Variants in PDE7B observed in about 807,000 individuals in gnomAD.
PDE7B encodes the protein 3',5'-cyclic-AMP phosphodiesterase 7B.
PDE7B carries 29 observed loss-of-function variants against 56.2 expected under a neutral mutation model. The ratio of observed to expected loss-of-function variants is 0.52; its 90% CI spans 0.38 to 0.70. PDE7B has a LOEUF of 0.70. Ranked by LOEUF, PDE7B falls within the 30% of genes least tolerant of loss-of-function variation. The probability of loss-of-function intolerance (pLI) is 0.00; values close to 1 mark genes in which losing one functional copy is unlikely to be tolerated. For missense variants in PDE7B, 490 were observed against 565.0 expected, an observed-to-expected ratio of 0.87 and a Z score of 1.35; for synonymous variants, 197 against 196.9, an observed-to-expected ratio of 1.00 and a Z score of 0.00.
intron 2 of PDE7B, among the ~76,000 whole-genome samples, chr6:135,996,943 T>C (rs1038508793): frequency 6.6e-6 from 1 of 152,146 alleles, no homozygotes; most frequent in Admixed American, 6.6e-5. Context: ...ATTGGAGATA[T>C]GCTACTGTGA....
intron 10 of PDE7B, among the ~76,000 whole-genome samples, chr6:136,179,442 C>T (rs1403273683): frequency 6.6e-6 from 1 of 152,188 alleles, no homozygotes; most frequent in Admixed American, 6.5e-5. Flanking sequence ...TGAGTTAGAG[C>T]AGTGACCTAT....
intron 12 of PDE7B, among the ~76,000 whole-genome samples, chr6:136,191,139 A>T (rs902491421): frequency 6.6e-6 from 1 of 150,750 alleles, no homozygotes; most frequent in African/African-American, 2.5e-5. Context: ...TAAGTCATTT[A>T]ATTGTCATAA....
intron 1 of PDE7B, among the ~76,000 whole-genome samples, chr6:135,914,231 T>C (rs1269943073): frequency 6.6e-6 from 1 of 152,178 alleles, no homozygotes; most frequent in Non-Finnish European, 1.5e-5. Flanking sequence ...ATAATTTATA[T>C]ACATTAACAT....
intron 2 of PDE7B, among the ~76,000 whole-genome samples, chr6:135,950,424 T>A (rs1415343788): frequency 3.3e-5 from 5 of 152,222 alleles, no homozygotes; most frequent in Admixed American, 2.6e-4. Context: ...TAAAGGACTA[T>A]TGTGTTTTAT....
At chr6:136,004,913 A>C (rs918195246) in intron 2 of PDE7B, among the ~76,000 whole-genome samples, 35 of 152,068 alleles carry the variant, frequency 2.3e-4, no homozygotes, top group African/African-American at 8.0e-4. Flanking sequence ...CTAAGCCAAA[A>C]GAACAAAGCT....
chr6:135,925,934 C>T (rs775251105), intron 1 of PDE7B, among the ~76,000 whole-genome samples: 8 of 151,994 alleles, frequency 5.3e-5, no homozygotes, highest in African/African-American at 1.7e-4. Flanking sequence ...CCTCACCCAT[C>T]GCTAGGTTCA....
intron 2 of PDE7B, among the ~76,000 whole-genome samples, chr6:135,947,900 G>A (rs1326713473): frequency 6.6e-6 from 1 of 152,012 alleles, no homozygotes; most frequent in Non-Finnish European, 1.5e-5. Context: ...TTACATCACA[G>A]TACAAAACCC....
At chr6:136,103,911 T>C (rs1324630787) in intron 2 of PDE7B, among the ~76,000 whole-genome samples, 1 of 152,172 alleles carries the variant, frequency 6.6e-6, no homozygotes, top group Non-Finnish European at 1.5e-5. Context: ...CCACTGTAAG[T>C]TGTCATCGCT....
intron 1 of PDE7B, among the ~76,000 whole-genome samples, chr6:135,928,493 A>ATATATTTATATATATATATTTATT (rs1562442928): frequency 6.8e-5 from 7 of 102,428 alleles, no homozygotes; most frequent in South Asian, 2.9e-4. Flanking sequence ...TTATTTATAT[A>ATATATTTATATATATATATTTATT]TATATATTTA....
At chr6:135,923,374 A>G (rs1329180697) in intron 1 of PDE7B, among the ~76,000 whole-genome samples, 1 of 152,220 alleles carries the variant, frequency 6.6e-6, no homozygotes, top group Non-Finnish European at 1.5e-5. Flanking sequence ...TCTGTAAGGT[A>G]TATAGAGATC....
intron 2 of PDE7B, among the ~76,000 whole-genome samples, chr6:136,073,930 TA>T (rs1777089196): frequency 6.6e-6 from 1 of 152,076 alleles, no homozygotes; most frequent in South Asian, 2.1e-4. Flanking sequence ...CTGAAGCAAA[TA>T]AAAAAATTTA....
chr6:135,864,432 A>G (rs1028521235), intron 1 of PDE7B, among the ~76,000 whole-genome samples: 1 of 152,004 alleles, frequency 6.6e-6, no homozygotes, highest in Non-Finnish European at 1.5e-5. Context: ...AAATGGCTTT[A>G]TTTTACCTTT....
chr6:136,075,935 T>G (rs1777121810), intron 2 of PDE7B, among the ~76,000 whole-genome samples: 1 of 152,172 alleles, frequency 6.6e-6, no homozygotes, highest in South Asian at 2.1e-4. Context: ...GATGACATGT[T>G]TTGTCTCCAT....
intron 2 of PDE7B, among the ~76,000 whole-genome samples, chr6:136,045,463 G>A (rs543257219): frequency 6.6e-6 from 1 of 152,276 alleles, no homozygotes; most frequent in Non-Finnish European, 1.5e-5. Context: ...ATATATTTTA[G>A]AGCTTATAAA....
At chr6:136,030,361 G>C (rs538025762) in intron 2 of PDE7B, among the ~76,000 whole-genome samples, 1 of 152,282 alleles carries the variant, frequency 6.6e-6, no homozygotes, top group African/African-American at 2.4e-5. Context: ...CATAAATACT[G>C]TGCCTAGGGC....
At chr6:136,170,274 C>G (rs776519961) in intron 8 of PDE7B, among the ~76,000 whole-genome samples, 1 of 152,112 alleles carries the variant, frequency 6.6e-6, no homozygotes, top group Non-Finnish European at 1.5e-5. Context: ...TTTTCCCTTA[C>G]TTTTTGTTTA....
At position 136,139,096 on chromosome 6, in the gene PDE7B, T is replaced by C. The variant is rs111807984; in HGVS notation, c.167-8255T>C. The stretch of plus-strand genomic sequence containing the variant: ...AACTCATCATTTAACATTAGGCATA[T>C]CTCCTAATGCTATCCCTCCCCCTTC... On this transcript the variant is annotated intron_variant, in intron 3 of 12. Coordinates refer to ENST00000308191, the MANE Select transcript of PDE7B (RefSeq NM_018945.4). 9.3e-4 allele frequency among the ~76,000 whole-genome samples: 141 copies of C among 152,206 alleles called. 2 individuals are homozygous for C. The highest frequency in any genetic ancestry group is 3.2e-3 in the African/African-American group (133 of 41,524).
chr6:135,888,889 G>A (rs1381530946), intron 1 of PDE7B, among the ~76,000 whole-genome samples: 1 of 152,024 alleles, frequency 6.6e-6, no homozygotes, highest in Non-Finnish European at 1.5e-5. Context: ...AGGAAAACAA[G>A]CAGAAATAAA....
At chr6:136,048,732 G>A (rs1776566048) in intron 2 of PDE7B, among the ~76,000 whole-genome samples, 1 of 152,156 alleles carries the variant, frequency 6.6e-6, no homozygotes, top group African/African-American at 2.4e-5. Context: ...TGGTGAAGAG[G>A]TGGAGTTAGG....
Sources: gnomAD v4.1 joint callset for allele counts (sites outside exome capture counted in the v4.1 genomes callset) on GRCh38, gnomAD v4.1.1 for gene constraint, MANE v1.5 for transcripts, NCBI Gene and HGNC (gene_info 2026-07-23, HGNC 2026-07-21) for gene names.